Variants in ING5 observed in about 807,000 individuals in gnomAD.
The protein encoded by ING5 is inhibitor of growth family member 5, also known as inhibitor of growth protein 5.
A neutral mutation model predicts 37.4 loss-of-function variants in ING5; 17 were observed. The observed-to-expected ratio is 0.45, with a 90% confidence interval of 0.31 to 0.68. The LOEUF is 0.68. ING5 is among the 30% of genes least tolerant of loss of function. The pLI, the probability that ING5 is intolerant of heterozygous loss-of-function variation, is 0.05. For missense variants in ING5, 233 were observed against 311.9 expected (o/e 0.75, Z 1.91); for synonymous variants, 123 against 116.6 (o/e 1.06, Z -0.36).
chr2:241,721,375 T>C (rs767426664), intron 5 of ING5: 1 of 985,468 alleles, frequency 1.0e-6, no homozygotes, highest in Non-Finnish European at 1.2e-6. Context: ...CCCCTGTCTA[T>C]TCCCAGACAG....
chr2:241,723,829 G>A (rs372651978), intron 7 of ING5: 18 of 1,583,676 alleles, frequency 1.1e-5, no homozygotes, highest in Middle Eastern at 1.7e-4. Flanking sequence ...GGGCAACATC[G>A]GGAGACCCCA....
At chr2:241,691,268 G>GT (rs2069550315) in intron 2 of ING5, among the ~76,000 whole-genome samples, 1 of 151,618 alleles carries the variant, frequency 6.6e-6, no homozygotes, top group African/African-American at 2.4e-5. Context: ...GTGAAACACC[G>GT]TCTCTACTAA....
upstream of ING5, among the ~76,000 whole-genome samples, chr2:241,698,604 T>G (rs1473106173): frequency 6.6e-6 from 1 of 151,362 alleles, no homozygotes; most frequent in East Asian, 1.9e-4. Flanking sequence ...GATGGAAAAA[T>G]AGTCTATAAT....
intron 2 of ING5, among the ~76,000 whole-genome samples, chr2:241,708,685 G>A (rs1435995433): frequency 2.0e-5 from 3 of 152,178 alleles, no homozygotes; most frequent in African/African-American, 7.2e-5. Flanking sequence ...TTGTTGCTGA[G>A]TAGCACTCTG....
chr2:241,698,306 A>C (rs1436630755), upstream of ING5, among the ~76,000 whole-genome samples: 1 of 151,760 alleles, frequency 6.6e-6, no homozygotes, highest in East Asian at 2.0e-4. Flanking sequence ...TTAGCCGGGC[A>C]TGGTGGCGGG....
At chr2:241,724,142 G>A (rs1691506281) in intron 7 of ING5, 16 of 1,062,204 alleles carry the variant, frequency 1.5e-5, no homozygotes, top group Non-Finnish European at 1.8e-5. Context: ...TCGTGGCAGC[G>A]TGTTTGAAAC....
At chr2:241,724,653 C>T (rs1575142886) in intron 7 of ING5, 1 of 376,342 alleles carries the variant, frequency 2.7e-6, no homozygotes, top group East Asian at 5.3e-5. Flanking sequence ...TGCTTGGTAC[C>T]TGCAGCCCCC....
At chr2:241,690,638 T>C (rs1295029092) in exon 2 of ING5, 1 of 398,316 alleles carries the variant, frequency 2.5e-6, no homozygotes, top group Non-Finnish European at 4.4e-6. Context: ...TCCACGAGAC[T>C]CTGGAGGCCT....
intron 2 of ING5, among the ~76,000 whole-genome samples, chr2:241,693,703 G>C (rs866603373): frequency 7.9e-6 from 1 of 127,308 alleles, no homozygotes; most frequent in Admixed American, 1.1e-4. Flanking sequence ...TGTCGCCCAG[G>C]CTGGAGTGCA....
chr2:241,701,125 T>TTA (rs923881278), upstream of ING5, among the ~76,000 whole-genome samples: 3 of 149,048 alleles, frequency 2.0e-5, no homozygotes, highest in Non-Finnish European at 4.5e-5. Context: ...GGCTAATTTT[T>TTA]TTTTTTTTTT....
intron 1 of ING5, among the ~76,000 whole-genome samples, chr2:241,702,930 C>T (rs770898078): frequency 2.5e-4 from 38 of 152,206 alleles, no homozygotes; most frequent in Non-Finnish European, 3.4e-4. Flanking sequence ...CTTGTGGGGG[C>T]GCTGCACTGG....
exon 1 of ING5, chr2:241,687,433 T>C (rs1575111493): frequency 2.5e-6 from 1 of 398,664 alleles, no homozygotes; most frequent in African/African-American, 2.1e-5. Context: ...GCTGGCCACG[T>C]GGCAATTGTA....
intron 5 of ING5, chr2:241,721,383 CAGAG>C (rs2070431386): frequency 1.0e-6 from 1 of 985,332 alleles, no homozygotes; most frequent in African/African-American, 1.7e-5. Context: ...TATTCCCAGA[CAGAG>C]AGAAAGAGCA....
At chr2:241,714,393 G>C (rs2070203243) in intron 5 of ING5, among the ~76,000 whole-genome samples, 1 of 152,150 alleles carries the variant, frequency 6.6e-6, no homozygotes. Context: ...AGTTATGGAA[G>C]TATTCAGGCT....
In ING5 at chr2:241,727,821, G is replaced by C. The variant is rs1448765972; in HGVS notation, c.*2790G>C. The C allele has an allele frequency of 6.6e-6, 1 of 152,224 alleles. No homozygotes were observed. Among genetic ancestry groups the C allele is most frequent in the African/African-American group, 2.4e-5 (1 of 41,446 alleles). 9.4% of individuals were successfully genotyped at this position (152,224 alleles called of 1,614,324 possible). A position where few individuals can be genotyped will look rare whatever the true frequency, so the allele number is the denominator to read the frequency against. On this transcript the variant is annotated 3_prime_UTR_variant, in exon 8 of 8. Coordinates refer to ENST00000313552, the MANE Select transcript of ING5 (RefSeq NM_032329.6). ...CCTGGAAAGCGCTGGGGTTGTTGATGCTTTTGGCTGCCCGGCTTCCTGAGG... is the reference window on the plus strand; with the variant it reads ...CCTGGAAAGCGCTGGGGTTGTTGATCCTTTTGGCTGCCCGGCTTCCTGAGG...
chr2:241,703,314 C>G (rs897147592), intron 1 of ING5, among the ~76,000 whole-genome samples: 1 of 152,162 alleles, frequency 6.6e-6, no homozygotes, highest in Admixed American at 6.5e-5. Context: ...AAATGATTGC[C>G]TGGTAACTGT....
intron 2 of ING5, among the ~76,000 whole-genome samples, chr2:241,708,436 T>C (rs1559303678): frequency 6.6e-6 from 1 of 151,866 alleles, no homozygotes; most frequent in Admixed American, 6.6e-5. Flanking sequence ...CTCGATCTCC[T>C]GACCTCGTGA....
chr2:241,721,674 T>C lies in ING5; in HGVS notation c.483-1265T>C. ...GCTGTGTTTACATACCAACTAGATATTCGTGGGTTGGAGGGTGGGATAGGG... is the reference window on the plus strand; with the variant it reads ...GCTGTGTTTACATACCAACTAGATACTCGTGGGTTGGAGGGTGGGATAGGG... On this transcript the variant is annotated intron_variant, in intron 5 of 7. Coordinates refer to ENST00000313552, the MANE Select transcript of ING5 (RefSeq NM_032329.6). 4 of 985,050 alleles carry C rather than the reference T, an allele frequency of 4.1e-6. No individual in the cohort carries two copies. In the South Asian group the frequency reaches 1.4e-4, roughly 35 times the overall value. The allele number at this position is 985,050 out of a possible 1,614,324, so 61.0% of individuals were successfully genotyped here.
chr2:241,693,532 G>C (rs1340889631), intron 2 of ING5, among the ~76,000 whole-genome samples: 1 of 151,952 alleles, frequency 6.6e-6, no homozygotes, highest in Non-Finnish European at 1.5e-5. Flanking sequence ...CCAGGCAGAC[G>C]ATGGCAAGGC....
Sources: gnomAD v4.1 joint callset for allele counts (sites outside exome capture counted in the v4.1 genomes callset) on GRCh38, gnomAD v4.1.1 for gene constraint, MANE v1.5 for transcripts, NCBI Gene and HGNC (gene_info 2026-07-23, HGNC 2026-07-21) for gene names.